ENOX2: variants seen among roughly 807,000 people sequenced by gnomAD.
ENOX2 encodes ecto-NOX disulfide-thiol exchanger 2, also known as APK1 antigen.
A neutral mutation model predicts 45.0 loss-of-function variants in ENOX2; 36 were observed. The observed-to-expected ratio is 0.80, with a 90% confidence interval of 0.61 to 1.06. The LOEUF (loss-of-function observed/expected upper bound fraction) is 1.06. Ranked by LOEUF, ENOX2 falls within the 50% of genes least tolerant of loss-of-function variation. The probability of loss-of-function intolerance (pLI) is 0.00; values close to 1 mark genes in which losing one functional copy is unlikely to be tolerated. For missense variants in ENOX2, 423 were observed against 462.5 expected, an observed-to-expected ratio of 0.91 and a Z score of 0.78; for synonymous variants, 174 against 152.3, an observed-to-expected ratio of 1.14 and a Z score of -1.05.
rs1462342117 is a variant in ENOX2, at chrX:130,624,153, C to T, written c.*1161G>A. The stretch of plus-strand genomic sequence containing the variant: ...ACCTCCATCCTCTCTGTTTACTTTC[C>T]ACCAAGCAGAAGTTTCTGAATGGTC... On this transcript the variant is annotated 3_prime_UTR_variant, in exon 15 of 15. Coordinates refer to ENST00000394363, the MANE Select transcript of ENOX2 (RefSeq NM_006375.4). 1 of 110,754 alleles carries T rather than the reference C, an allele frequency of 9.0e-6. No individual in the cohort carries two copies. Among genetic ancestry groups the T allele is most frequent in the African/African-American group, 3.3e-5 (1 of 30,443 alleles). 9.1% of individuals were successfully genotyped at this position (110,754 alleles called of 1,213,427 possible).
At chrX:130,733,309 C>G (rs2038780904) in intron 3 of ENOX2, among the ~76,000 whole-genome samples, 1 of 108,866 alleles carries the variant, frequency 9.2e-6, no homozygotes, top group South Asian at 3.9e-4. Context: ...AAATGCAAAT[C>G]AAAACCATAA....
chrX:130,791,334 C>A lies in ENOX2; in HGVS notation c.-182-7644G>T, dbSNP rs189203257. Among the ~76,000 whole-genome samples the A allele has an allele frequency of 4.3e-3, 479 of 110,888 alleles. 3 individuals carry two copies. Among genetic ancestry groups the A allele is most frequent in the Non-Finnish European group, 5.9e-3 (314 of 52,958 alleles). The stretch of plus-strand genomic sequence containing the variant: ...CAGTCATTTTTTAGTCTCTCCTCCC[C>A]CAAGACGTGGCGCAGTGCCTTGTAT... On this transcript the variant is annotated intron_variant, in intron 2 of 14. Coordinates refer to ENST00000394363, the MANE Select transcript of ENOX2 (RefSeq NM_006375.4).
intron 4 of ENOX2, among the ~76,000 whole-genome samples, chrX:130,699,831 C>T (rs1205775083): frequency 8.9e-6 from 1 of 112,142 alleles, no homozygotes; most frequent in Non-Finnish European, 1.9e-5. Context: ...AAAAATTTCA[C>T]GCTTGCATTT....
intron 10 of ENOX2, among the ~76,000 whole-genome samples, chrX:130,648,716 C>G (rs1486806283): frequency 9.1e-6 from 1 of 109,636 alleles, no homozygotes; most frequent in Admixed American, 9.7e-5. Flanking sequence ...GATTAATGCC[C>G]TCCCTGGGAA....
chrX:130,641,739 AAAG>A (rs1246153585), intron 10 of ENOX2, among the ~76,000 whole-genome samples: 3 of 109,510 alleles, frequency 2.7e-5, no homozygotes, highest in African/African-American at 9.9e-5. Flanking sequence ...AAAAAAAAAA[AAAG>A]AGAGAATTAT....
intron 2 of ENOX2, among the ~76,000 whole-genome samples, chrX:130,836,962 GC>G (rs1363517814): frequency 9.0e-6 from 1 of 111,493 alleles, no homozygotes; most frequent in Non-Finnish European, 1.9e-5. Flanking sequence ...CCCACAGATG[GC>G]TTTTTTAGTT....
chrX:130,851,808 C>T (rs969235269), intron 2 of ENOX2, among the ~76,000 whole-genome samples: 3 of 111,984 alleles, frequency 2.7e-5, no homozygotes, highest in African/African-American at 9.8e-5. Flanking sequence ...TTTAGCTATT[C>T]CCCTGTAAAA....
At chrX:130,630,200 G>A (rs1478723440) in intron 13 of ENOX2, among the ~76,000 whole-genome samples, 1 of 111,017 alleles carries the variant, frequency 9.0e-6, no homozygotes, top group East Asian at 2.8e-4. Flanking sequence ...AAGCCCACTA[G>A]TGTCCAAAAC....
chrX:130,727,409 G>A (rs1433389746), intron 3 of ENOX2, among the ~76,000 whole-genome samples: 3 of 111,735 alleles, frequency 2.7e-5, no homozygotes, highest in African/African-American at 9.8e-5. Context: ...CTTGAGTTGT[G>A]GGTGTGATTA....
chrX:130,671,661 C>T (rs2036994317), intron 6 of ENOX2, among the ~76,000 whole-genome samples: 1 of 111,716 alleles, frequency 9.0e-6, no homozygotes, highest in Non-Finnish European at 1.9e-5. Flanking sequence ...TGAAAAGCTC[C>T]CACAGGGTTG....
At chrX:130,777,392 G>A (rs1359094152) in intron 3 of ENOX2, among the ~76,000 whole-genome samples, 1 of 108,382 alleles carries the variant, frequency 9.2e-6, no homozygotes, top group Non-Finnish European at 1.9e-5. Context: ...CCAGCTACTC[G>A]GGGGGAGCTG....
At chrX:130,631,927 C>T (rs1169199768) in intron 12 of ENOX2, among the ~76,000 whole-genome samples, 1 of 108,739 alleles carries the variant, frequency 9.2e-6, no homozygotes, top group Non-Finnish European at 1.9e-5. Context: ...TATCTCCATT[C>T]TACAGATGAG....
chrX:130,842,971 T>C (rs1026939363), intron 2 of ENOX2, among the ~76,000 whole-genome samples: 1 of 111,502 alleles, frequency 9.0e-6, no homozygotes, highest in South Asian at 3.9e-4. Flanking sequence ...AGAGGGTCTA[T>C]AGTTTTCAGA....
chrX:130,807,281 G>T (rs1208822065), intron 2 of ENOX2, among the ~76,000 whole-genome samples: 1 of 112,147 alleles, frequency 8.9e-6, no homozygotes, highest in East Asian at 2.8e-4. Context: ...TTAAAATGAT[G>T]AACTGATTAT....
At chrX:130,732,137 A>G (rs1042493432) in intron 3 of ENOX2, among the ~76,000 whole-genome samples, 1 of 112,404 alleles carries the variant, frequency 8.9e-6, no homozygotes, top group African/African-American at 3.2e-5. Flanking sequence ...GAACTAATAA[A>G]CAAATATAGT....
Position 130,700,649 on chromosome X carries a change from G to A in ENOX2, c.97+2471C>T, listed in dbSNP as rs189449571. On this transcript the variant is annotated intron_variant, in intron 4 of 14. Transcript: ENST00000394363. ...GTTAGTACTTCCTCTACATCAAAGA[G>A]CATATAGTACTGCTAAGAGTAGTAA... 5.4e-5 allele frequency among the ~76,000 whole-genome samples: 6 copies of A among 112,054 alleles called. No homozygotes were observed. In the East Asian group the frequency reaches 1.7e-3, roughly 31 times the overall value.
At chrX:130,717,923 C>G (rs934315657) in intron 3 of ENOX2, among the ~76,000 whole-genome samples, 1 of 112,040 alleles carries the variant, frequency 8.9e-6, no homozygotes, top group African/African-American at 3.2e-5. Context: ...TATAATTCTA[C>G]TACATATGTT....
intron 2 of ENOX2, among the ~76,000 whole-genome samples, chrX:130,812,449 GA>G (rs1412228786): frequency 3.6e-5 from 4 of 111,845 alleles, no homozygotes; most frequent in African/African-American, 1.3e-4. Flanking sequence ...TAGCAACTAA[GA>G]ATAAACTTTA....
chrX:130,895,819 G>A lies in ENOX2; in HGVS notation c.-183+5865C>T, dbSNP rs1486264732. On this transcript the variant is annotated intron_variant, in intron 2 of 14. Transcript: ENST00000394363. ...GTGTTTTATACTATGTATCAGTAAA[G>A]GCAAAAAAAGGAAAATTAAGACTTC... Among the ~76,000 whole-genome samples, 3 of 111,531 alleles carry A rather than the reference G, an allele frequency of 2.7e-5. No homozygotes were observed. The Admixed American group carries it at 2.9e-4, about 11-fold the overall frequency.
Sources: gnomAD v4.1 joint callset for allele counts (sites outside exome capture counted in the v4.1 genomes callset) on GRCh38, gnomAD v4.1.1 for gene constraint, MANE v1.5 for transcripts, NCBI Gene and HGNC (gene_info 2026-07-23, HGNC 2026-07-21) for gene names.